NEDD4L: variants seen among roughly 807,000 people sequenced by gnomAD.
NEDD4L encodes E3 ubiquitin-protein ligase NEDD4-like.
Under a neutral mutation model 148.9 loss-of-function variants are expected in NEDD4L, and 54 were observed. The ratio of observed to expected loss-of-function variants is 0.36; its 90% CI spans 0.29 to 0.45. NEDD4L has a LOEUF of 0.45. Among genes scored for constraint, NEDD4L ranks in the 20% least tolerant of loss-of-function variants. NEDD4L has a pLI of 1.00. For missense variants in NEDD4L, 856 were observed against 1,233.8 expected (o/e 0.69, Z 4.59); for synonymous variants, 433 against 440.7 (o/e 0.98, Z 0.22).
Position 58,366,945 on chromosome 18 carries a change from T to C in NEDD4L, c.2063+717T>C, listed in dbSNP as rs562688828. ...CTGGTACCAGTCTCCTGGGGGCTCA[T>C]TTGGAAGGCCGCCTCAGTACATTCT... On this transcript the variant is annotated intron_variant, in intron 21 of 30. Transcript: ENST00000400345. This position sits in a 1 kb window ranked among gnomAD's most constrained non-coding sequence, Gnocchi z 4.2. Among the ~76,000 whole-genome samples, 1 of 152,322 alleles carries C rather than the reference T, an allele frequency of 6.6e-6. No individual in the cohort carries two copies. Among genetic ancestry groups the C allele is most frequent in the East Asian group, 1.9e-4 (1 of 5,188 alleles).
chr18:58,258,980 A>G (rs1363529194), intron 5 of NEDD4L, among the ~76,000 whole-genome samples: 4 of 152,224 alleles, frequency 2.6e-5, no homozygotes, highest in Non-Finnish European at 5.9e-5. Flanking sequence ...TCTAAAGGAC[A>G]TTACATTATT....
intron 16 of NEDD4L, among the ~76,000 whole-genome samples, chr18:58,344,150 A>G (rs2042769423): frequency 6.6e-6 from 1 of 152,184 alleles, no homozygotes. Flanking sequence ...TCCCATTTCT[A>G]GTGATGGACA....
chr18:58,103,693 G>A (rs951761152), intron 1 of NEDD4L, among the ~76,000 whole-genome samples: 3 of 152,192 alleles, frequency 2.0e-5, no homozygotes, highest in Non-Finnish European at 2.9e-5. Flanking sequence ...TAAAAGTGCA[G>A]CAAAGAAGCT....
At chr18:58,199,939 G>C (rs2041205311) in intron 2 of NEDD4L, among the ~76,000 whole-genome samples, 1 of 152,110 alleles carries the variant, frequency 6.6e-6, no homozygotes, top group Non-Finnish European at 1.5e-5. Flanking sequence ...CTTAATAATA[G>C]GGGAAACTGG....
At chr18:58,216,134 A>G (rs1271445367) in intron 2 of NEDD4L, among the ~76,000 whole-genome samples, 1 of 152,228 alleles carries the variant, frequency 6.6e-6, no homozygotes, top group East Asian at 1.9e-4. Flanking sequence ...CAATCAGCAC[A>G]AAGACTCACT....
chr18:58,248,601 T>C (rs2047550012), intron 3 of NEDD4L, among the ~76,000 whole-genome samples: 1 of 152,212 alleles, frequency 6.6e-6, no homozygotes, highest in Non-Finnish European at 1.5e-5. Context: ...ATCATATCAA[T>C]GCTAATTTCT....
At chr18:58,062,491 C>T (rs1240779480) in intron 1 of NEDD4L, among the ~76,000 whole-genome samples, 1 of 152,118 alleles carries the variant, frequency 6.6e-6, no homozygotes, top group Non-Finnish European at 1.5e-5. Context: ...AATTATGGCA[C>T]AGATTAATAC....
intron 30 of NEDD4L, among the ~76,000 whole-genome samples, chr18:58,392,710 C>A (rs1330125538): frequency 6.6e-6 from 1 of 152,114 alleles, no homozygotes; most frequent in Non-Finnish European, 1.5e-5. Context: ...TTGAGTAGTT[C>A]AGAGCTTTTA....
intron 1 of NEDD4L, among the ~76,000 whole-genome samples, chr18:58,082,079 A>AATATATATATATATATATATATAT (rs72331379): frequency 1.1e-5 from 1 of 89,980 alleles, no homozygotes; most frequent in African/African-American, 5.8e-5. Flanking sequence ...CTTTCTGATG[A>AATATATATATATATATATATATAT]ATATATATAT....
intron 5 of NEDD4L, among the ~76,000 whole-genome samples, chr18:58,264,895 C>T (rs478292): frequency 2.6e-5 from 4 of 152,062 alleles, no homozygotes; most frequent in Non-Finnish European, 5.9e-5. Context: ...TGAATAATCA[C>T]TGCACGTGAA....
chr18:58,196,765 G>C (rs1463555748), intron 2 of NEDD4L, among the ~76,000 whole-genome samples: 1 of 133,796 alleles, frequency 7.5e-6, no homozygotes, highest in Non-Finnish European at 1.5e-5. Context: ...ATACTCTCCG[G>C]TAAACATATA....
chr18:58,145,748 G>T (rs960506511), intron 1 of NEDD4L, among the ~76,000 whole-genome samples: 5 of 151,994 alleles, frequency 3.3e-5, no homozygotes, highest in African/African-American at 1.2e-4. Flanking sequence ...TCTACTTAAG[G>T]CTCTTTGTAT....
At chr18:58,221,609 C>T in intron 2 of NEDD4L, 1 of 985,436 alleles carries the variant, frequency 1.0e-6, no homozygotes, top group Non-Finnish European at 1.2e-6. Context: ...CCGGTATCAG[C>T]AGAGGTGTGT....
chr18:58,165,097 C>A (rs1350300518), intron 1 of NEDD4L, among the ~76,000 whole-genome samples: 1 of 152,208 alleles, frequency 6.6e-6, no homozygotes, highest in Non-Finnish European at 1.5e-5. Context: ...TACTGCTGGG[C>A]TGCTTGTTGC....
chr18:58,195,519 C>T, intron 2 of NEDD4L: 1 of 1,344,586 alleles, frequency 7.4e-7, no homozygotes, highest in Non-Finnish European at 9.8e-7. Flanking sequence ...CAGGGCCCTA[C>T]CTGGGCGGGA....
chr18:58,270,419 T>G (rs1321559469), intron 5 of NEDD4L, among the ~76,000 whole-genome samples: 2 of 152,248 alleles, frequency 1.3e-5, no homozygotes, highest in Non-Finnish European at 1.5e-5. Flanking sequence ...TAGCTCAGTC[T>G]TGGCCATCTG....
chr18:58,229,735 T>A (rs2044852689), intron 2 of NEDD4L, among the ~76,000 whole-genome samples: 1 of 152,106 alleles, frequency 6.6e-6, no homozygotes, highest in Non-Finnish European at 1.5e-5. Flanking sequence ...CTCATGCCTG[T>A]AAGCCCAACA....
chr18:58,341,307 A>G, intron 14 of NEDD4L, 138 bp downstream of exon 14: 1 of 953,732 alleles, frequency 1.0e-6, no homozygotes, highest in Non-Finnish European at 1.5e-6. Flanking sequence ...AAAATGCATT[A>G]CTTTAAATAC....
At chr18:58,069,895 C>A (rs930899311) in intron 1 of NEDD4L, among the ~76,000 whole-genome samples, 2 of 152,322 alleles carry the variant, frequency 1.3e-5, no homozygotes, top group Non-Finnish European at 2.9e-5. Flanking sequence ...CTGCTGCAAT[C>A]CCATTCCCGG....
Sources: gnomAD v4.1 joint callset for allele counts (sites outside exome capture counted in the v4.1 genomes callset) on GRCh38, gnomAD v4.1.1 for gene constraint, Gnocchi (gnomAD v3.1) non-coding constraint, MANE v1.5 for transcripts, NCBI Gene and HGNC (gene_info 2026-07-23, HGNC 2026-07-21) for gene names.